The following NKD1 variants were observed in gnomAD, a reference collection of about 807,000 sequenced individuals.
NKD1 encodes NKD inhibitor of Wnt signaling pathway 1, also known as protein naked cuticle homolog 1.
NKD1 carries 21 observed loss-of-function variants against 56.0 expected under a neutral mutation model. The observed-to-expected ratio is 0.38, with a 90% confidence interval of 0.27 to 0.54. The LOEUF (loss-of-function observed/expected upper bound fraction) is 0.54. NKD1 is among the 20% of genes least tolerant of loss of function. The pLI, the probability that NKD1 is intolerant of heterozygous loss-of-function variation, is 0.82. For missense variants in NKD1, 578 were observed against 642.7 expected (o/e 0.90, Z 1.09); for synonymous variants, 263 against 265.7 (o/e 0.99, Z 0.10).
chr16:50,560,832 A>ATCTATCTG (rs1960612651), intron 3 of NKD1, among the ~76,000 whole-genome samples: 2 of 151,758 alleles, frequency 1.3e-5, no homozygotes, highest in South Asian at 2.1e-4. Context: ...CCATCTATCT[A>ATCTATCTG]TCTATCTATC....
intron 3 of NKD1, among the ~76,000 whole-genome samples, chr16:50,563,911 T>C (rs1326320296): frequency 7.0e-6 from 1 of 142,406 alleles, no homozygotes; most frequent in African/African-American, 2.7e-5. Context: ...CCTGGATGCA[T>C]GGAGAAGACC....
At chr16:50,601,230 TG>T (rs1255691940) in intron 3 of NKD1, among the ~76,000 whole-genome samples, 20 of 152,198 alleles carry the variant, frequency 1.3e-4, no homozygotes, top group African/African-American at 4.1e-4. Context: ...CAAGCTTGCC[TG>T]GGAATCCTGG....
In NKD1 at chr16:50,634,674, A is replaced by G. The variant is rs1299021544; in HGVS notation, c.*893A>G. Reference sequence around the variant, plus strand: ...CAGAGCTTTCTGTATCTATAGATAGATGCCATCTGTCCATTTCTATGTATC... The same window carrying G: ...CAGAGCTTTCTGTATCTATAGATAGGTGCCATCTGTCCATTTCTATGTATC... On this transcript the variant is annotated 3_prime_UTR_variant, in exon 10 of 10. Coordinates refer to ENST00000268459, the MANE Select transcript of NKD1 (RefSeq NM_033119.5). The G allele has an allele frequency of 1.3e-5, 2 of 152,368 alleles. No individual in the cohort carries two copies. Among genetic ancestry groups the G allele is most frequent in the African/African-American group, 4.8e-5 (2 of 41,462 alleles). 9.4% of individuals were successfully genotyped at this position (152,368 alleles called of 1,614,324 possible). A position where few individuals can be genotyped will look rare whatever the true frequency, so the allele number is the denominator to read the frequency against.
At chr16:50,601,560 G>A (rs1961597366) in intron 3 of NKD1, among the ~76,000 whole-genome samples, 1 of 152,248 alleles carries the variant, frequency 6.6e-6, no homozygotes, top group South Asian at 2.1e-4. Flanking sequence ...CTGTCTCTGT[G>A]TGAGCTGCCT....
rs1268903787 is a variant in NKD1 at position 50,608,329 on chromosome 16, C to T, written c.228C>T (p.Ser76=). 1.8e-5 allele frequency: 29 copies of T among 1,613,310 alleles called. No individual in the cohort carries two copies. Among genetic ancestry groups the T allele is most frequent in the Middle Eastern group, 1.6e-4 (1 of 6,062 alleles). ...GCGACGTGTTGAGAGACACGCTCAG[C>T]GAGGAAGAGGAGGACGACTTTCGGC... is the stretch of plus-strand genomic sequence containing the variant. ...LVGDVLRDTL[S]EEEEDDFRLE... is the part of the protein sequence containing the mutation. Residue 76 remains serine (S), a synonymous_variant, in exon 4 of 10, where the codon AGC becomes AGT. Coordinates refer to ENST00000268459, the MANE Select transcript of NKD1 (RefSeq NM_033119.5).
At chr16:50,560,844 A>ATCTATCTG (rs1355423291) in intron 3 of NKD1, among the ~76,000 whole-genome samples, 3 of 151,696 alleles carry the variant, frequency 2.0e-5, no homozygotes, top group African/African-American at 7.3e-5. Context: ...CTATCTATCT[A>ATCTATCTG]TCTATCTATC....
chr16:50,548,509 C>T lies in NKD1; in HGVS notation c.-45C>T. 2 of 1,420,034 alleles carry T rather than the reference C, an allele frequency of 1.4e-6. No individual in the cohort carries two copies. The highest frequency in any genetic ancestry group is 2.7e-5 in the Admixed American group (1 of 36,480). The allele number at this position is 1,420,034 out of a possible 1,614,324, so 88.0% of individuals were successfully genotyped here. ...CCAAGGGAGGCGCCAGGCCCGCGGG[C>T]CGGGCGCATGGCTTAGGGACGCTCC... On this transcript the variant is annotated 5_prime_UTR_variant, in exon 1 of 10. Coordinates refer to ENST00000268459, the MANE Select transcript of NKD1 (RefSeq NM_033119.5).
In NKD1 at chr16:50,638,621, CT is replaced by C. The variant is rs1395914461; in HGVS notation, c.*4841del. The stretch of plus-strand genomic sequence containing the variant: ...CAGGACCTTTGTGTGGGGCTCTGAT[CT>C]GATGTTCGGTCTCATCATCTCCCAA... On this transcript the variant is annotated 3_prime_UTR_variant, in exon 10 of 10. Transcript: ENST00000268459. 6.6e-6 allele frequency: 1 copy of C among 152,278 alleles called. No individual in the cohort carries two copies. The highest frequency in any genetic ancestry group is 1.5e-5 in the Non-Finnish European group (1 of 68,072). 9.4% of individuals were successfully genotyped at this position (152,278 alleles called of 1,614,324 possible).
intron 4 of NKD1, among the ~76,000 whole-genome samples, chr16:50,611,979 A>G (rs1044044315): frequency 3.9e-5 from 6 of 152,068 alleles, no homozygotes; most frequent in Non-Finnish European, 8.8e-5. Flanking sequence ...GTTTATAATC[A>G]TTTACCTAGC....
At chr16:50,555,180 A>G (rs763054763) in intron 3 of NKD1, among the ~76,000 whole-genome samples, 1 of 152,140 alleles carries the variant, frequency 6.6e-6, no homozygotes, top group Non-Finnish European at 1.5e-5. Flanking sequence ...CCCCAGGCTC[A>G]AGCTGCCCTG....
rs553045642 is a variant in NKD1, at chr16:50,634,499, A to G, written c.*718A>G. ...TGATACACACACGTATTTAAGGACT[A>G]TCCCTGAGACCATCCTTCTCATTTT... On this transcript the variant is annotated 3_prime_UTR_variant, in exon 10 of 10. Transcript: ENST00000268459. The G allele has an allele frequency of 1.2e-3, 176 of 152,446 alleles. No individual in the cohort carries two copies. Among genetic ancestry groups the G allele is most frequent in the Non-Finnish European group, 2.2e-3 (148 of 68,034 alleles). The allele number at this position is 152,446 out of a possible 1,614,324, so 9.4% of individuals were successfully genotyped here. A position where few individuals can be genotyped will look rare whatever the true frequency, so the allele number is the denominator to read the frequency against.
At chr16:50,616,954 C>G (rs1196421156) in intron 4 of NKD1, among the ~76,000 whole-genome samples, 1 of 152,180 alleles carries the variant, frequency 6.6e-6, no homozygotes. Flanking sequence ...TCAAGTGACC[C>G]CAGACCAAGG....
intron 3 of NKD1, among the ~76,000 whole-genome samples, chr16:50,588,922 G>C (rs1961289673): frequency 6.6e-6 from 1 of 152,002 alleles, no homozygotes; most frequent in Non-Finnish European, 1.5e-5. Flanking sequence ...CTTAACTACT[G>C]TCTGCCTCAG....
At chr16:50,590,785 A>C (rs2151271834) in intron 3 of NKD1, among the ~76,000 whole-genome samples, 1 of 152,264 alleles carries the variant, frequency 6.6e-6, no homozygotes, top group South Asian at 2.1e-4. Flanking sequence ...TACTGCCATT[A>C]TGAGTTTGTG....
intron 4 of NKD1, among the ~76,000 whole-genome samples, chr16:50,616,394 G>C (rs1407601350): frequency 6.6e-6 from 1 of 152,164 alleles, no homozygotes; most frequent in Non-Finnish European, 1.5e-5. Context: ...GTTAAGATAA[G>C]CTGGCATTTA....
rs1466323121 is a variant in NKD1 at position 50,636,638 on chromosome 16, T to C, written c.*2857T>C. 1 of 152,236 alleles carries C rather than the reference T, an allele frequency of 6.6e-6. No individual in the cohort carries two copies. The highest frequency in any genetic ancestry group is 2.4e-5 in the African/African-American group (1 of 41,462). 9.4% of individuals were successfully genotyped at this position (152,236 alleles called of 1,614,324 possible). A position where few individuals can be genotyped will look rare whatever the true frequency, so the allele number is the denominator to read the frequency against. On this transcript the variant is annotated 3_prime_UTR_variant, in exon 10 of 10. Transcript: ENST00000268459. Reference sequence around the variant, plus strand: ...AAATACTGTGCCTCAGTTTCTCCTTTATAAAGGCAGGGATCATGAGAGTGC... The same window carrying C: ...AAATACTGTGCCTCAGTTTCTCCTTCATAAAGGCAGGGATCATGAGAGTGC...
chr16:50,549,000 T>A, intron 2 of NKD1: 2 of 772,378 alleles, frequency 2.6e-6, no homozygotes, highest in Non-Finnish European at 3.0e-6. Flanking sequence ...TGCCCTCGGC[T>A]CTCACGGCAC....
At chr16:50,631,478 C>G (rs1348313097) in intron 8 of NKD1, among the ~76,000 whole-genome samples, 4 of 152,146 alleles carry the variant, frequency 2.6e-5, no homozygotes, top group Non-Finnish European at 5.9e-5. Context: ...GTGTTAACCT[C>G]TAGTGTGCAA....
In NKD1 at chr16:50,611,750, C is replaced by T. The variant is rs537488865; in HGVS notation, c.259+3390C>T. 2.0e-5 allele frequency among the ~76,000 whole-genome samples: 3 copies of T among 152,186 alleles called. No individual in the cohort carries two copies. The East Asian group carries it at 5.8e-4, about 29-fold the overall frequency. On this transcript the variant is annotated intron_variant, in intron 4 of 9. Coordinates refer to ENST00000268459, the MANE Select transcript of NKD1 (RefSeq NM_033119.5). ...CAGACCCCATTCCAGCCTGGCTTAC[C>T]CACACTCACTGTGTGACCTTGGGTG...
Sources: gnomAD v4.1 joint callset for allele counts (sites outside exome capture counted in the v4.1 genomes callset) on GRCh38, gnomAD v4.1.1 for gene constraint, MANE v1.5 for transcripts, NCBI Gene and HGNC (gene_info 2026-07-23, HGNC 2026-07-21) for gene names.